CHSY3: variants seen among roughly 807,000 people sequenced by gnomAD.
CHSY3 encodes chondroitin sulfate synthase 3.
CHSY3 carries 35 observed loss-of-function variants against 67.2 expected under a neutral mutation model. The ratio of observed to expected loss-of-function variants is 0.52; its 90% CI spans 0.40 to 0.69. CHSY3 has a LOEUF of 0.69. Ranked by LOEUF, CHSY3 falls within the 30% of genes least tolerant of loss-of-function variation. The probability of loss-of-function intolerance (pLI) is 0.00; values close to 1 mark genes in which losing one functional copy is unlikely to be tolerated. For missense variants in CHSY3, 1,069 were observed against 1,138.5 expected, an observed-to-expected ratio of 0.94 and a Z score of 0.88; for synonymous variants, 474 against 434.7, an observed-to-expected ratio of 1.09 and a Z score of -1.12.
intron 2 of CHSY3, among the ~76,000 whole-genome samples, chr5:129,935,295 A>T (rs1180132858): frequency 6.6e-6 from 1 of 152,168 alleles, no homozygotes; most frequent in Non-Finnish European, 1.5e-5. Flanking sequence ...TGAAATATGA[A>T]ATAAGAAGAT....
At chr5:130,116,342 C>T (rs1767800288) in intron 2 of CHSY3, among the ~76,000 whole-genome samples, 2 of 152,220 alleles carry the variant, frequency 1.3e-5, no homozygotes, top group Non-Finnish European at 2.9e-5. Context: ...GCATCTTCTG[C>T]ATCAGAGTAA....
rs556866499 is a variant in CHSY3 at position 130,182,427 on chromosome 5, T to C, written c.1087-1802T>C. On this transcript the variant is annotated intron_variant, in intron 2 of 2. Transcript: ENST00000305031. ...TTCATAAAATCTATTGAATTTTTTT[T>C]CTCCTGCTCTGTAATTGCCCTTTAT... Among the ~76,000 whole-genome samples the C allele has an allele frequency of 9.2e-5, 14 of 152,168 alleles. 1 individual carries two copies. Among genetic ancestry groups the C allele is most frequent in the African/African-American group, 3.1e-4 (13 of 41,556 alleles).
intron 2 of CHSY3, among the ~76,000 whole-genome samples, chr5:130,030,872 T>C (rs1285787257): frequency 6.6e-6 from 1 of 152,110 alleles, no homozygotes; most frequent in East Asian, 1.9e-4. Context: ...TAAAGAATGG[T>C]AATTAAGGCT....
At chr5:130,184,135 A>C in intron 2 of CHSY3, 94 bp from the exon 3 acceptor site, 2 of 1,182,378 alleles carry the variant, frequency 1.7e-6, no homozygotes. Flanking sequence ...AAAATGTATT[A>C]ACATTTTCAT....
At chr5:130,148,841 G>A (rs1435810403) in intron 2 of CHSY3, among the ~76,000 whole-genome samples, 1 of 152,014 alleles carries the variant, frequency 6.6e-6, no homozygotes, top group Non-Finnish European at 1.5e-5. Flanking sequence ...CCTATTCTGT[G>A]GGTTGTCCGG....
intron 2 of CHSY3, among the ~76,000 whole-genome samples, chr5:130,013,828 T>C (rs950133634): frequency 6.6e-6 from 1 of 152,236 alleles, no homozygotes; most frequent in Non-Finnish European, 1.5e-5. Flanking sequence ...TTGTTACTTA[T>C]GCAAATTTCT....
At chr5:130,162,647 G>A (rs1012489607) in intron 2 of CHSY3, among the ~76,000 whole-genome samples, 6 of 151,968 alleles carry the variant, frequency 3.9e-5, no homozygotes, top group Admixed American at 2.0e-4. Flanking sequence ...AGATTCTCCC[G>A]CCTCAGTCTC....
At chr5:130,023,976 C>G (rs978915978) in intron 2 of CHSY3, among the ~76,000 whole-genome samples, 1 of 151,866 alleles carries the variant, frequency 6.6e-6, no homozygotes, top group Non-Finnish European at 1.5e-5. Context: ...AACTACTTAT[C>G]ACATTTTCCT....
chr5:129,981,991 A>G (rs1189225697), intron 2 of CHSY3, among the ~76,000 whole-genome samples: 1 of 152,164 alleles, frequency 6.6e-6, no homozygotes, highest in Non-Finnish European at 1.5e-5. Context: ...GATGTGCTAG[A>G]TTACATGAGT....
At chr5:130,063,457 G>A (rs890035291) in intron 2 of CHSY3, among the ~76,000 whole-genome samples, 1 of 152,028 alleles carries the variant, frequency 6.6e-6, no homozygotes. Flanking sequence ...ATATATATTT[G>A]TGTCATAGTT....
intron 2 of CHSY3, among the ~76,000 whole-genome samples, chr5:130,088,421 C>A (rs1766747877): frequency 6.6e-6 from 1 of 151,178 alleles, no homozygotes; most frequent in Admixed American, 6.6e-5. Context: ...AAGAAATTAC[C>A]ATCAGAGTGA....
intron 2 of CHSY3, among the ~76,000 whole-genome samples, chr5:130,133,649 G>C (rs1223018335): frequency 6.6e-6 from 1 of 151,566 alleles, no homozygotes. Flanking sequence ...CCATGCATCT[G>C]TAATCCCAGC....
intron 2 of CHSY3, among the ~76,000 whole-genome samples, chr5:130,045,012 CAG>C (rs1462149601): frequency 1.3e-5 from 2 of 152,052 alleles, no homozygotes; most frequent in Non-Finnish European, 2.9e-5. Flanking sequence ...TGCTTTGAGA[CAG>C]GGTCTCACTC....
intron 2 of CHSY3, among the ~76,000 whole-genome samples, chr5:130,165,008 G>A (rs1029499286): frequency 1.3e-5 from 2 of 152,146 alleles, no homozygotes; most frequent in African/African-American, 4.8e-5. Flanking sequence ...AGTATTGGTG[G>A]AGTATAGAGG....
chr5:129,944,433 C>G (rs1761789324), intron 2 of CHSY3, among the ~76,000 whole-genome samples: 1 of 151,746 alleles, frequency 6.6e-6, no homozygotes, highest in Admixed American at 6.6e-5. Context: ...TCTGTCAGTT[C>G]AAGTGATTCT....
At chr5:129,958,343 G>A (rs149682745) in intron 2 of CHSY3, among the ~76,000 whole-genome samples, 1 of 152,072 alleles carries the variant, frequency 6.6e-6, no homozygotes. Flanking sequence ...CCTGATTCCA[G>A]CTGGGCCTTT....
At chr5:130,014,343 G>A (rs1764150180) in intron 2 of CHSY3, among the ~76,000 whole-genome samples, 1 of 152,158 alleles carries the variant, frequency 6.6e-6, no homozygotes, top group Non-Finnish European at 1.5e-5. Flanking sequence ...TTTTCATGCT[G>A]CTATGAAGAA....
intron 2 of CHSY3, among the ~76,000 whole-genome samples, chr5:130,108,830 G>A (rs1767495744): frequency 6.6e-6 from 1 of 151,592 alleles, no homozygotes; most frequent in Non-Finnish European, 1.5e-5. Context: ...TATTTTATAG[G>A]TTTATTAATT....
In CHSY3 at chr5:130,141,751, ATCAACTGGCTGG is replaced by A. The variant is rs1768874313; in HGVS notation, c.1087-42477_1087-42466del. 3 of 485,240 alleles carry A rather than the reference ATCAACTGGCTGG, an allele frequency of 6.2e-6. No homozygotes were observed. In the Admixed American group the frequency reaches 6.9e-5, roughly 11 times the overall value. The allele number at this position is 485,240 out of a possible 1,614,324, so 30.1% of individuals were successfully genotyped here. A position where few individuals can be genotyped will look rare whatever the true frequency, so the allele number is the denominator to read the frequency against. ...GATTCTTGATAAGGGTATTAAAATTATCAACTGGCTGGATAAGAATCAGATTCAGAAGAAGGA... is the reference window on the plus strand; with the variant it reads ...GATTCTTGATAAGGGTATTAAAATTAATAAGAATCAGATTCAGAAGAAGGA... On this transcript the variant is annotated intron_variant, in intron 2 of 2. Coordinates refer to ENST00000305031, the MANE Select transcript of CHSY3 (RefSeq NM_175856.5).
Sources: gnomAD v4.1 joint callset for allele counts (sites outside exome capture counted in the v4.1 genomes callset) on GRCh38, gnomAD v4.1.1 for gene constraint, MANE v1.5 for transcripts, NCBI Gene and HGNC (gene_info 2026-07-23, HGNC 2026-07-21) for gene names.